Variants in SEMA3C observed in about 807,000 individuals in gnomAD.
SEMA3C encodes the protein semaphorin-3C.
In SEMA3C, 47 loss-of-function variants were observed where a neutral mutation model predicts 89.4. The ratio of observed to expected loss-of-function variants is 0.53; its 90% CI spans 0.42 to 0.67. The LOEUF is 0.67. SEMA3C is among the 30% of genes least tolerant of loss of function. SEMA3C has a pLI of 0.00. For synonymous variants in SEMA3C, 310 were observed against 320.2 expected (o/e 0.97, Z 0.34); for missense variants, 839 against 929.1 (o/e 0.90, Z 1.26).
At chr7:80,921,763 T>C (rs1294992302), upstream of SEMA3C, among the ~76,000 whole-genome samples, 4 of 152,188 alleles carry the variant, frequency 2.6e-5, no homozygotes, top group East Asian at 1.9e-4. Flanking sequence ...GTGCAGTATC[T>C]TACACACTGA....
At chr7:80,875,507 C>G (rs991721209) in intron 2 of SEMA3C, among the ~76,000 whole-genome samples, 1 of 152,048 alleles carries the variant, frequency 6.6e-6, no homozygotes, top group African/African-American at 2.4e-5. Context: ...TTCAGTCGCC[C>G]TTAGTCAAGC....
rs142439946 is a variant in SEMA3C, at chr7:80,908,035, A to T, written c.103+8644T>A. On this transcript the variant is annotated intron_variant, in intron 2 of 17. Coordinates refer to ENST00000265361, the MANE Select transcript of SEMA3C (RefSeq NM_006379.5). ...ATATCATTTGTATAATATTTATACAAGCCAATTTTATAACCACTTTGCTAC... is the reference window on the plus strand; with the variant it reads ...ATATCATTTGTATAATATTTATACATGCCAATTTTATAACCACTTTGCTAC... Among the ~76,000 whole-genome samples, 135 of 152,286 alleles carry T rather than the reference A, an allele frequency of 8.9e-4. 1 individual carries two copies. In the East Asian group the frequency reaches 0.023, roughly 26 times the overall value.
chr7:80,893,692 T>C (rs186001655), intron 2 of SEMA3C, among the ~76,000 whole-genome samples: 187 of 152,234 alleles, frequency 1.2e-3, no homozygotes, highest in African/African-American at 4.2e-3. Context: ...AGGGGTCATA[T>C]TGATACGTGC....
At chr7:80,796,454 C>T (rs978400583) in intron 11 of SEMA3C, 1 of 152,214 alleles carries the variant, frequency 6.6e-6, no homozygotes, top group African/African-American at 2.4e-5. Context: ...TCTCAGCTCA[C>T]TGCAAGCTCC....
intron 12 of SEMA3C, among the ~76,000 whole-genome samples, chr7:80,773,363 T>C (rs1197580348): frequency 5.9e-5 from 9 of 152,134 alleles, no homozygotes; most frequent in East Asian, 3.9e-4. Flanking sequence ...AGAGTTGGCA[T>C]AGAAACAAGG....
intron 2 of SEMA3C, among the ~76,000 whole-genome samples, chr7:80,890,122 G>A (rs539722541): frequency 8.2e-4 from 125 of 152,298 alleles, no homozygotes; most frequent in African/African-American, 2.6e-3. Flanking sequence ...CTGGGCACTT[G>A]TGTAAGTTAA....
At chr7:80,856,190 G>A (rs1790635956) in intron 2 of SEMA3C, among the ~76,000 whole-genome samples, 1 of 151,890 alleles carries the variant, frequency 6.6e-6, no homozygotes, top group African/African-American at 2.4e-5. Flanking sequence ...TTCCAATTCT[G>A]TAAAGATATC....
intron 2 of SEMA3C, among the ~76,000 whole-genome samples, chr7:80,887,438 T>C (rs1238988496): frequency 6.6e-6 from 1 of 152,144 alleles, no homozygotes; most frequent in Non-Finnish European, 1.5e-5. Context: ...CTTCAGTAAA[T>C]ATATTAACTT....
At chr7:80,898,011 G>A (rs1017456637) in intron 2 of SEMA3C, among the ~76,000 whole-genome samples, 1 of 151,984 alleles carries the variant, frequency 6.6e-6, no homozygotes, top group African/African-American at 2.4e-5. Flanking sequence ...GATAATTTAG[G>A]GGCTGTTTAT....
At chr7:80,771,790 C>T (rs1788440683) in intron 12 of SEMA3C, among the ~76,000 whole-genome samples, 1 of 152,108 alleles carries the variant, frequency 6.6e-6, no homozygotes, top group Non-Finnish European at 1.5e-5. Flanking sequence ...TCTGGCCAGT[C>T]CCTTCCTCCT....
intron 15 of SEMA3C, among the ~76,000 whole-genome samples, chr7:80,752,880 G>A (rs1787969108): frequency 6.6e-6 from 1 of 152,094 alleles, no homozygotes; most frequent in Non-Finnish European, 1.5e-5. Context: ...AAGTATACTC[G>A]AGTGAGCATA....
intron 2 of SEMA3C, among the ~76,000 whole-genome samples, chr7:80,887,621 C>G (rs1183727585): frequency 6.6e-6 from 1 of 152,086 alleles, no homozygotes; most frequent in African/African-American, 2.4e-5. Flanking sequence ...TCTGTCAAAC[C>G]AGTTATTTAG....
At chr7:80,891,770 T>A (rs894819706) in intron 2 of SEMA3C, among the ~76,000 whole-genome samples, 1 of 152,122 alleles carries the variant, frequency 6.6e-6, no homozygotes, top group African/African-American at 2.4e-5. Context: ...AGTGATTTCG[T>A]TCTCTTAACT....
intron 2 of SEMA3C, among the ~76,000 whole-genome samples, chr7:80,840,972 C>A (rs764421672): frequency 1.8e-4 from 28 of 151,966 alleles, no homozygotes; most frequent in Admixed American, 6.6e-4. Context: ...AAAAAGTTTG[C>A]GTAGAAACCC....
chr7:80,781,428 T>G (rs941289829), intron 12 of SEMA3C, among the ~76,000 whole-genome samples: 1 of 152,220 alleles, frequency 6.6e-6, no homozygotes, highest in Non-Finnish European at 1.5e-5. Flanking sequence ...TTCAGATCTT[T>G]TCATTCCAAC....
chr7:80,892,812 G>A lies in SEMA3C; in HGVS notation c.103+23867C>T, dbSNP rs1791647576. On this transcript the variant is annotated intron_variant, in intron 2 of 17. Transcript: ENST00000265361. ...CCTCTTTTAAAGGTTGGAACATGTG[G>A]TTGTATTTGATGTTTTTTTCCTTCA... Among the ~76,000 whole-genome samples the A allele has an allele frequency of 2.0e-5, 3 of 152,124 alleles. No individual in the cohort carries two copies. The South Asian group carries it at 6.2e-4, about 32-fold the overall frequency.
At chr7:80,848,862 G>C (rs1341053566) in intron 2 of SEMA3C, among the ~76,000 whole-genome samples, 1 of 151,986 alleles carries the variant, frequency 6.6e-6, no homozygotes, top group African/African-American at 2.4e-5. Context: ...AATTTACGGT[G>C]GTTTTATTCA....
intron 12 of SEMA3C, 119 bp from the exon 13 acceptor site, chr7:80,765,362 G>A: frequency 1.4e-6 from 1 of 703,196 alleles, no homozygotes; most frequent in Non-Finnish European, 2.4e-6. Context: ...AAAAAACATT[G>A]TATGTATTAA....
intron 2 of SEMA3C, among the ~76,000 whole-genome samples, chr7:80,911,897 T>G (rs973047820): frequency 6.6e-6 from 1 of 152,144 alleles, no homozygotes; most frequent in Admixed American, 6.6e-5. Flanking sequence ...CCTCCCAAAG[T>G]GCTAGGATTA....
Sources: allele counts gnomAD v4.1 joint callset (sites outside exome capture counted in the v4.1 genomes callset), GRCh38; gene constraint gnomAD v4.1.1; transcripts MANE v1.5; gene names NCBI Gene and HGNC (gene_info 2026-07-23, HGNC 2026-07-21).